Variants in TNRC18 observed in about 807,000 individuals in gnomAD.
TNRC18 encodes trinucleotide repeat containing 18.
A neutral mutation model predicts 226.7 loss-of-function variants in TNRC18; 69 were observed. That is an observed-to-expected ratio of 0.30 (90% confidence interval 0.25 to 0.37). TNRC18 has a LOEUF of 0.37. Among genes scored for constraint, TNRC18 ranks in the 10% least tolerant of loss-of-function variants. The probability of loss-of-function intolerance (pLI) is 1.00; values close to 1 mark genes in which losing one functional copy is unlikely to be tolerated. For missense variants in TNRC18, 4,754 were observed against 4,256.6 expected (o/e 1.12, Z -3.25); for synonymous variants, 2,449 against 1,927.6 (o/e 1.27, Z -7.09).
At chr7:5,370,332 A>G (rs1794023085) in intron 11 of TNRC18, 43 bp downstream of exon 11, 1 of 1,508,374 alleles carries the variant, frequency 6.6e-7, no homozygotes, top group African/African-American at 1.4e-5. Context: ...CCACAAAACT[A>G]AAACTCACGA....
intron 8 of TNRC18, among the ~76,000 whole-genome samples, chr7:5,376,582 GGC>G (rs1219734989): frequency 1.3e-5 from 2 of 152,180 alleles, no homozygotes; most frequent in African/African-American, 4.8e-5. Flanking sequence ...GGGAGGCGGT[GGC>G]GCCAGGTAAG....
At chr7:5,321,565 G>A (rs968110089) in intron 21 of TNRC18, among the ~76,000 whole-genome samples, 4 of 152,082 alleles carry the variant, frequency 2.6e-5, no homozygotes, top group Admixed American at 6.6e-5. Context: ...AGCCATCACC[G>A]GACACTCACA....
chr7:5,373,809 C>T (rs1261056087), intron 10 of TNRC18, among the ~76,000 whole-genome samples: 1 of 152,076 alleles, frequency 6.6e-6, no homozygotes, highest in Non-Finnish European at 1.5e-5. Flanking sequence ...AACAACTCAT[C>T]CTGAAGCAGT....
rs767617602 is a variant in TNRC18, at chr7:5,370,743, G to A, written c.3851C>T (p.Pro1284Leu). Residue 1284 changes from proline to leucine, a missense_variant, in exon 11 of 30, where the codon CCG becomes CTG. Pro to Leu is a moderately conservative substitution (Grantham distance 98). Transcript: ENST00000430969. ...TTCTAGGGTGGGCTGGGACTCGCTC[G>A]GTGCCACCTGCGCCAGGCCTTCCTC... ...VPEEGLAQVAPSESQPTLEMS... is the reference protein window; with the variant it reads ...VPEEGLAQVALSESQPTLEMS... The A allele has an allele frequency of 3.6e-5, 57 of 1,604,342 alleles. No homozygotes were observed. Among genetic ancestry groups the A allele is most frequent in the Middle Eastern group, 1.7e-4 (1 of 6,054 alleles).
intron 16 of TNRC18, 53 bp from the exon 17 acceptor site, chr7:5,352,147 G>C (rs763131714): frequency 1.9e-5 from 28 of 1,512,766 alleles, no homozygotes; most frequent in Non-Finnish European, 2.4e-5. Context: ...GCAGGAGCTG[G>C]TGTCATTTTA....
At chr7:5,320,659 G>A (rs1788258497) in intron 22 of TNRC18, 52 bp from the exon 23 acceptor site, 2 of 1,527,612 alleles carry the variant, frequency 1.3e-6, no homozygotes, top group African/African-American at 2.7e-5. Context: ...CTCCCCAGAG[G>A]GCCTCAATCC....
intron 24 of TNRC18, among the ~76,000 whole-genome samples, chr7:5,319,942 C>G (rs62443164): frequency 8.4e-4 from 128 of 152,302 alleles, no homozygotes; most frequent in African/African-American, 2.9e-3. Flanking sequence ...CAGGCCCGGT[C>G]GATCAGACTC....
chr7:5,346,796 C>T (rs78748115), intron 17 of TNRC18, among the ~76,000 whole-genome samples: 1,562 of 152,324 alleles, frequency 0.01, 19 homozygotes, highest in African/African-American at 0.036. Flanking sequence ...CAGCCAAGGC[C>T]GGGGTCCAGA....
chr7:5,418,593 C>G (rs1411448505), intron 2 of TNRC18, among the ~76,000 whole-genome samples: 1 of 152,196 alleles, frequency 6.6e-6, no homozygotes. Context: ...ATGTGCCTCT[C>G]CCTAGCTGGG....
At position 5,315,034 on chromosome 7, in the gene TNRC18, C is replaced by T. The variant is rs2128107030; in HGVS notation, c.6977G>A (p.Gly2326Glu). ...DGGTAGSEEP[G>E]AKARGRGRKP... ...CCGCCCACGCCCACGGGCCTTGGCTCCTGGCTCCTCCGACCCAGCCGTGCC... is the reference window on the plus strand; with the variant it reads ...CCGCCCACGCCCACGGGCCTTGGCTTCTGGCTCCTCCGACCCAGCCGTGCC... Residue 2326 changes from glycine to glutamate, a missense_variant, in exon 26 of 30, where the codon GGA becomes GAA. Coordinates refer to ENST00000430969, the MANE Select transcript of TNRC18 (RefSeq NM_001080495.3). 6.2e-7 allele frequency: 1 copy of T among 1,608,970 alleles called. No individual in the cohort carries two copies. Among genetic ancestry groups the T allele is most frequent in the East Asian group, 2.2e-5 (1 of 44,596 alleles).
chr7:5,381,341 C>G (rs1188456776), intron 5 of TNRC18, among the ~76,000 whole-genome samples: 5 of 152,174 alleles, frequency 3.3e-5, no homozygotes, highest in Non-Finnish European at 7.3e-5. Context: ...GCCGGCCTCT[C>G]GAGGATGCCC....
At chr7:5,368,310 TAA>T (rs11459979) in intron 11 of TNRC18, among the ~76,000 whole-genome samples, 3 of 141,144 alleles carry the variant, frequency 2.1e-5, no homozygotes, top group African/African-American at 2.6e-5. Flanking sequence ...CTACTTTTTG[TAA>T]AAAAAAAAAA....
At chr7:5,423,280 TC>T (rs1782684660) in intron 1 of TNRC18, among the ~76,000 whole-genome samples, 160 bp downstream of exon 1, 1 of 144,002 alleles carries the variant, frequency 6.9e-6, no homozygotes, top group Non-Finnish European at 1.5e-5. Context: ...GGGCGCCCCC[TC>T]CCCGCCGGCC....
intron 2 of TNRC18, chr7:5,420,744 T>C (rs972337370): frequency 3.3e-6 from 2 of 603,410 alleles, no homozygotes; most frequent in African/African-American, 3.7e-5. Context: ...GCCCAGATTT[T>C]GAAAACTCCA....
chr7:5,401,258 T>C (rs1020297737), intron 2 of TNRC18, among the ~76,000 whole-genome samples: 14 of 151,274 alleles, frequency 9.3e-5, no homozygotes, highest in South Asian at 2.1e-4. Flanking sequence ...CATGTGATCA[T>C]GATAGGGATA....
chr7:5,420,459 A>G, intron 2 of TNRC18: 2 of 453,190 alleles, frequency 4.4e-6, no homozygotes, highest in Non-Finnish European at 8.9e-6. Flanking sequence ...GCAGGTTCCC[A>G]GGGCCGCCGT....
At chr7:5,386,005 A>AAAAAAG in intron 5 of TNRC18, among the ~76,000 whole-genome samples, 1 of 144,162 alleles carries the variant, frequency 6.9e-6, no homozygotes, top group Admixed American at 7.0e-5. Context: ...AAAAAAAAAA[A>AAAAAAG]AACAGATGCG....
chr7:5,399,443 T>C (rs1033994145), intron 2 of TNRC18, among the ~76,000 whole-genome samples: 1 of 152,176 alleles, frequency 6.6e-6, no homozygotes, highest in Non-Finnish European at 1.5e-5. Flanking sequence ...CTGGGCACAG[T>C]GGCTCACACC....
rs1360141729 is a variant in TNRC18 at position 5,324,888 on chromosome 7, G to C, written c.6300+208C>G. On this transcript the variant is annotated intron_variant, in intron 20 of 29. Coordinates refer to ENST00000430969, the MANE Select transcript of TNRC18 (RefSeq NM_001080495.3). The surrounding 1 kb of genome is among the most constrained non-coding windows in gnomAD (Gnocchi z 4.8). The stretch of plus-strand genomic sequence containing the variant: ...AGTGTCCCTCGCCCCCGCTAGAGCA[G>C]ACATTTCCTGAGGACAGGAGCAGAG... Among the ~76,000 whole-genome samples the C allele has an allele frequency of 6.6e-6, 1 of 152,178 alleles. No homozygotes were observed. The highest frequency in any genetic ancestry group is 2.4e-5 in the African/African-American group (1 of 41,446).
Sources: allele counts gnomAD v4.1 joint callset (sites outside exome capture counted in the v4.1 genomes callset), GRCh38; gene constraint gnomAD v4.1.1; non-coding constraint Gnocchi (gnomAD v3.1); transcripts MANE v1.5; gene names NCBI Gene and HGNC (gene_info 2026-07-23, HGNC 2026-07-21).